Variants in PRKG1 observed in about 807,000 individuals in gnomAD.
The protein encoded by PRKG1 is protein kinase cGMP-dependent 1.
A neutral mutation model predicts 88.1 loss-of-function variants in PRKG1; 35 were observed. The ratio of observed to expected loss-of-function variants is 0.40; its 90% confidence interval spans 0.30 to 0.53. PRKG1 has a LOEUF of 0.53. PRKG1 is among the 20% of genes least tolerant of loss of function. The probability of loss-of-function intolerance (pLI) is 0.59; values close to 1 mark genes in which losing one functional copy is unlikely to be tolerated. For missense variants in PRKG1, 540 were observed against 839.8 expected, an observed-to-expected ratio of 0.64 and a Z score of 4.41; for synonymous variants, 303 against 292.5, an observed-to-expected ratio of 1.04 and a Z score of -0.37.
intron 5 of PRKG1, among the ~76,000 whole-genome samples, chr10:51,917,447 A>G (rs1842367885): frequency 6.6e-6 from 1 of 152,204 alleles, no homozygotes; most frequent in African/African-American, 2.4e-5. Context: ...TTACATGGGT[A>G]AATTTTATAA....
At chr10:51,642,184 G>T (rs986959115) in intron 3 of PRKG1, among the ~76,000 whole-genome samples, 2 of 152,120 alleles carry the variant, frequency 1.3e-5, no homozygotes, top group African/African-American at 4.8e-5. Context: ...AAGGTCAGGA[G>T]TTTGAGACCA....
At chr10:51,166,725 C>A (rs1213740098) in intron 2 of PRKG1, among the ~76,000 whole-genome samples, 1 of 151,934 alleles carries the variant, frequency 6.6e-6, no homozygotes, top group Non-Finnish European at 1.5e-5. Context: ...GTTGAGTAAC[C>A]AGTTACATCT....
At chr10:52,278,224 T>C (rs185037153) in intron 12 of PRKG1, among the ~76,000 whole-genome samples, 40 of 152,312 alleles carry the variant, frequency 2.6e-4, no homozygotes, top group African/African-American at 9.1e-4. Context: ...ATGCTCATCA[T>C]CACTGGTCAT....
At chr10:51,954,174 C>T (rs1330255060) in intron 5 of PRKG1, among the ~76,000 whole-genome samples, 9 of 152,132 alleles carry the variant, frequency 5.9e-5, no homozygotes, top group Non-Finnish European at 1.5e-5. Context: ...AAGCAGTCTC[C>T]AAATTTTTAG....
intron 1 of PRKG1, among the ~76,000 whole-genome samples, chr10:51,041,946 G>A (rs991316976): frequency 6.6e-6 from 1 of 152,146 alleles, no homozygotes; most frequent in Non-Finnish European, 1.5e-5. Flanking sequence ...ACTTGTTATT[G>A]AGTGGGACAG....
At chr10:52,027,911 C>A (rs1377486265) in intron 5 of PRKG1, among the ~76,000 whole-genome samples, 1 of 152,086 alleles carries the variant, frequency 6.6e-6, no homozygotes, top group Non-Finnish European at 1.5e-5. Flanking sequence ...GCCTCAGCCA[C>A]CAGAGTAGCT....
At chr10:51,899,671 G>GTGTATATATA (rs1554853515) in intron 4 of PRKG1, among the ~76,000 whole-genome samples, 1 of 120,408 alleles carries the variant, frequency 8.3e-6, no homozygotes, top group African/African-American at 3.0e-5. Context: ...AAAGAAAAAT[G>GTGTATATATA]TATATATATA....
intron 2 of PRKG1, among the ~76,000 whole-genome samples, chr10:51,404,067 A>C (rs1837835871): frequency 6.6e-6 from 1 of 152,198 alleles, no homozygotes; most frequent in Admixed American, 6.5e-5. Flanking sequence ...TCTCTAAAAA[A>C]CATTAGTGCA....
At chr10:52,233,793 G>T (rs1408818657) in intron 9 of PRKG1, among the ~76,000 whole-genome samples, 2 of 151,760 alleles carry the variant, frequency 1.3e-5, no homozygotes, top group Admixed American at 6.6e-5. Context: ...CGGGAAGCTC[G>T]AACTGGGTGG....
chr10:51,247,119 C>T (rs181569212), intron 2 of PRKG1, among the ~76,000 whole-genome samples: 92 of 151,966 alleles, frequency 6.1e-4, no homozygotes, highest in Non-Finnish European at 9.4e-4. Context: ...TCTCACGTGG[C>T]TGGTAAGACT....
chr10:51,964,639 T>A (rs1196102828), intron 5 of PRKG1, among the ~76,000 whole-genome samples: 1 of 152,118 alleles, frequency 6.6e-6, no homozygotes, highest in Non-Finnish European at 1.5e-5. Context: ...ATACTAACAA[T>A]AAAAATAGAT....
At chr10:51,752,796 CAATG>C (rs1351527509) in intron 3 of PRKG1, among the ~76,000 whole-genome samples, 1 of 151,984 alleles carries the variant, frequency 6.6e-6, no homozygotes, top group African/African-American at 2.4e-5. Flanking sequence ...GAGTAACAGA[CAATG>C]AAGATTATTC....
At position 52,161,890 on chromosome 10, in the gene PRKG1, T is replaced by A; in HGVS notation, c.1003T>A (p.Ser335Thr). The A allele has an allele frequency of 4.3e-6, 7 of 1,612,630 alleles. No individual in the cohort carries two copies. Among genetic ancestry groups the A allele is most frequent in the Non-Finnish European group, 5.9e-6 (7 of 1,179,286 alleles). Residue 335 changes from serine to threonine, a missense_variant and splice_region_variant, in exon 9 of 18, where the codon TCT becomes ACT. Physicochemically the swap from Ser to Thr is moderately conservative, Grantham distance 58. Coordinates refer to ENST00000373980, the MANE Select transcript of PRKG1 (RefSeq NM_006258.4). ...AVTCLVIDRD[S>T]FKHLIGGLDD... ...CACTGTGCTTTTTTCGTCTGACAGCTCTTTTAAACATTTGATTGGAGGGCT... is the reference window on the plus strand; with the variant it reads ...CACTGTGCTTTTTTCGTCTGACAGCACTTTTAAACATTTGATTGGAGGGCT...
At chr10:51,362,687 T>C (rs1344881419) in intron 2 of PRKG1, among the ~76,000 whole-genome samples, 2 of 151,844 alleles carry the variant, frequency 1.3e-5, no homozygotes, top group African/African-American at 4.8e-5. Context: ...GTGCAGGTTT[T>C]TTACAGAGGT....
intron 7 of PRKG1, among the ~76,000 whole-genome samples, chr10:52,113,929 T>C (rs1431495738): frequency 1.3e-5 from 2 of 152,122 alleles, no homozygotes. Context: ...GTTAAATCGC[T>C]AAGTAATTAG....
intron 3 of PRKG1, among the ~76,000 whole-genome samples, chr10:51,750,084 T>G: frequency 6.6e-6 from 1 of 151,980 alleles, no homozygotes; most frequent in East Asian, 1.9e-4. Flanking sequence ...TACAGGCTCA[T>G]GCCACCATGC....
At chr10:51,897,213 C>G (rs1841873380) in intron 4 of PRKG1, among the ~76,000 whole-genome samples, 1 of 152,146 alleles carries the variant, frequency 6.6e-6, no homozygotes, top group African/African-American at 2.4e-5. Flanking sequence ...GACCTTTAAT[C>G]CTTCATCAAT....
At chr10:51,444,597 C>A (rs1007670137) in intron 2 of PRKG1, among the ~76,000 whole-genome samples, 1 of 151,860 alleles carries the variant, frequency 6.6e-6, no homozygotes, top group African/African-American at 2.4e-5. Context: ...AAGGCAGCAT[C>A]TTGAATACTT....
At chr10:51,115,997 C>G (rs896765724) in intron 1 of PRKG1, among the ~76,000 whole-genome samples, 21 of 151,918 alleles carry the variant, frequency 1.4e-4, no homozygotes, top group Non-Finnish European at 3.1e-4. Context: ...ATAGGCTGGG[C>G]GAAGGAGAGA....
Sources: gnomAD v4.1 joint callset for allele counts (sites outside exome capture counted in the v4.1 genomes callset) on GRCh38, gnomAD v4.1.1 for gene constraint, MANE v1.5 for transcripts, NCBI Gene and HGNC (gene_info 2026-07-23, HGNC 2026-07-21) for gene names.